The following CACNA1B variants were observed in gnomAD, a reference collection of about 807,000 sequenced individuals.
CACNA1B encodes the protein calcium voltage-gated channel subunit alpha1 B, also known as voltage-dependent N-type calcium channel subunit alpha-1B.
CACNA1B carries 70 observed loss-of-function variants against 247.2 expected under a neutral mutation model. That is an observed-to-expected ratio of 0.28 (90% CI 0.23 to 0.35). CACNA1B has a LOEUF of 0.35. Ranked by LOEUF, CACNA1B falls within the 10% of genes least tolerant of loss-of-function variation. The pLI is 1.00. For missense variants in CACNA1B, 2,367 were observed against 3,197.4 expected (o/e 0.74, Z 6.26); for synonymous variants, 1,231 against 1,294.4 (o/e 0.95, Z 1.05).
chr9:138,074,196 A>G lies in CACNA1B; in HGVS notation c.4857+130A>G. On this transcript the variant is annotated intron_variant, in intron 34 of 46. Transcript: ENST00000371372. ...TTAGTGAACATTCTCTGTGAGCCAG[A>G]TCCTGCTTTGAGCACTTGCTGAACT... 1.3e-5 allele frequency: 10 copies of G among 743,140 alleles called. No individual in the cohort carries two copies. In the South Asian group the frequency reaches 1.5e-4, roughly 11 times the overall value. The allele number at this position is 743,140 out of a possible 1,614,324, so 46.0% of individuals were successfully genotyped here.
intron 36 of CACNA1B, among the ~76,000 whole-genome samples, chr9:138,078,846 T>C (rs942312954): frequency 6.6e-6 from 1 of 151,942 alleles, no homozygotes; most frequent in Non-Finnish European, 1.5e-5. Flanking sequence ...GCTGGCACGA[T>C]TGATGATGAG....
chr9:138,091,859 G>A lies in CACNA1B; in HGVS notation c.5095-4625G>A, dbSNP rs577605320. Reference sequence around the variant, plus strand: ...TTCTTTTCTATTTTTCCTAAGTGTCGGCTGGTCTGAGAAATAAAGAGAAAG... The same window carrying A: ...TTCTTTTCTATTTTTCCTAAGTGTCAGCTGGTCTGAGAAATAAAGAGAAAG... On this transcript the variant is annotated intron_variant, in intron 36 of 46. Coordinates refer to ENST00000371372, the MANE Select transcript of CACNA1B (RefSeq NM_000718.4). 1.7e-3 allele frequency among the ~76,000 whole-genome samples: 260 copies of A among 152,218 alleles called. 1 individual carries two copies. Among genetic ancestry groups the A allele is most frequent in the Non-Finnish European group, 2.7e-3 (186 of 68,004 alleles).
At chr9:137,885,948 G>A (rs866139712) in intron 3 of CACNA1B, among the ~76,000 whole-genome samples, 15 of 151,642 alleles carry the variant, frequency 9.9e-5, no homozygotes, top group Admixed American at 5.3e-4. Context: ...TCAGTTCCCA[G>A]CCATGCTCTT....
rs920777960 is a variant in CACNA1B, at chr9:137,955,518, G to A, written c.1071-180G>A. 1.3e-5 allele frequency among the ~76,000 whole-genome samples: 2 copies of A among 152,208 alleles called. No homozygotes were observed. Among genetic ancestry groups the A allele is most frequent in the Non-Finnish European group, 2.9e-5 (2 of 68,036 alleles). On this transcript the variant is annotated intron_variant, in intron 7 of 46. Coordinates refer to ENST00000371372, the MANE Select transcript of CACNA1B (RefSeq NM_000718.4). This position sits in a 1 kb window ranked among gnomAD's most constrained non-coding sequence, Gnocchi z 6.9. ...GCCCAGGGAGCTGTCTGGTGCTCTG[G>A]AGTGCTCATCTGGAGTGCTCAGGTT...
chr9:138,025,228 C>A (rs1745049062), intron 20 of CACNA1B, 56 bp downstream of exon 20: 1 of 1,214,428 alleles, frequency 8.2e-7, no homozygotes, highest in Non-Finnish European at 1.2e-6. Flanking sequence ...GTCCAGCAAC[C>A]CCCATTCCCT....
intron 6 of CACNA1B, among the ~76,000 whole-genome samples, chr9:137,937,947 CAAAAAAAAA>C (rs57680122): frequency 1.8e-4 from 4 of 21,934 alleles, no homozygotes; most frequent in Admixed American, 8.3e-4. Context: ...AACTCTGTCT[CAAAAAAAAA>C]AAAAAAAAAA....
At chr9:138,041,375 T>G (rs1959119850) in intron 20 of CACNA1B, among the ~76,000 whole-genome samples, 3 of 152,160 alleles carry the variant, frequency 2.0e-5, no homozygotes, top group Admixed American at 2.0e-4. Flanking sequence ...CATGTGGCTG[T>G]TTTTAGTGAA....
intron 6 of CACNA1B, among the ~76,000 whole-genome samples, chr9:137,944,542 C>A (rs565876118): frequency 6.6e-6 from 1 of 152,094 alleles, no homozygotes; most frequent in Non-Finnish European, 1.5e-5. Flanking sequence ...TGCTTCCTGG[C>A]GGGCAGCCTC....
chr9:137,892,483 G>A (rs1338970580), intron 3 of CACNA1B: 14 of 393,970 alleles, frequency 3.6e-5, no homozygotes, highest in Admixed American at 3.0e-4. Context: ...TGCAGAATCC[G>A]CCATAGTTCT....
intron 16 of CACNA1B, among the ~76,000 whole-genome samples, chr9:138,008,448 G>C (rs904784621): frequency 5.9e-5 from 9 of 152,366 alleles, no homozygotes; most frequent in Non-Finnish European, 4.4e-5. Flanking sequence ...TGTGGCTGGT[G>C]CCTGGAGGTG....
intron 31 of CACNA1B, among the ~76,000 whole-genome samples, chr9:138,067,486 A>T (rs1416385826): frequency 1.3e-5 from 2 of 152,234 alleles, no homozygotes; most frequent in African/African-American, 4.8e-5. Context: ...AGATCACCTG[A>T]GGTCAGAAGT....
At position 137,917,505 on chromosome 9, in the gene CACNA1B, TA is replaced by T. The variant is rs1221958429; in HGVS notation, c.966+75del. On this transcript the variant is annotated intron_variant, in intron 6 of 46. Coordinates refer to ENST00000371372, the MANE Select transcript of CACNA1B (RefSeq NM_000718.4). The surrounding 1 kb of genome is among the most constrained non-coding windows in gnomAD (Gnocchi z 5.5). Reference sequence around the variant, plus strand: ...GAGCTGGTGCCTCTGGGGGTCCATTTAGGGGGGCCCTTCTGACCTCAGAGCC... The same window carrying T: ...GAGCTGGTGCCTCTGGGGGTCCATTTGGGGGGCCCTTCTGACCTCAGAGCC... 3 of 1,346,850 alleles carry T rather than the reference TA, an allele frequency of 2.2e-6. No individual in the cohort carries two copies. The highest frequency in any genetic ancestry group is 2.1e-6 in the Non-Finnish European group (2 of 962,918). The allele number at this position is 1,346,850 out of a possible 1,614,324, so 83.4% of individuals were successfully genotyped here. A position where few individuals can be genotyped will look rare whatever the true frequency, so the allele number is the denominator to read the frequency against.
intron 3 of CACNA1B, among the ~76,000 whole-genome samples, chr9:137,892,942 C>A (rs145730546): frequency 6.6e-6 from 1 of 152,258 alleles, no homozygotes; most frequent in African/African-American, 2.4e-5. Context: ...CAGAGCCCGA[C>A]AGGCCTGAAA....
chr9:137,949,843 G>A (rs1458770591), intron 6 of CACNA1B, among the ~76,000 whole-genome samples: 2 of 152,122 alleles, frequency 1.3e-5, no homozygotes, highest in Admixed American at 1.3e-4. Flanking sequence ...GAGCACCTTT[G>A]TAGAAGTATC....
In CACNA1B at chr9:137,952,926, G is replaced by A. The variant is rs969073074; in HGVS notation, c.1070+549G>A. Among the ~76,000 whole-genome samples the A allele has an allele frequency of 6.6e-6, 1 of 152,128 alleles. No individual in the cohort carries two copies. The highest frequency in any genetic ancestry group is 1.5e-5 in the Non-Finnish European group (1 of 68,024). On this transcript the variant is annotated intron_variant, in intron 7 of 46. Coordinates refer to ENST00000371372, the MANE Select transcript of CACNA1B (RefSeq NM_000718.4). The surrounding 1 kb of genome is among the most constrained non-coding windows in gnomAD (Gnocchi z 4.8). Reference sequence around the variant, plus strand: ...CCTGATCTCTGTAGCAGTCACCACTGGGCTCGCCACCCTGGCCCTGACTGC... The same window carrying A: ...CCTGATCTCTGTAGCAGTCACCACTAGGCTCGCCACCCTGGCCCTGACTGC...
intron 38 of CACNA1B, among the ~76,000 whole-genome samples, chr9:138,103,873 A>C (rs924867818): frequency 1.3e-5 from 2 of 152,070 alleles, no homozygotes; most frequent in Non-Finnish European, 2.9e-5. Context: ...TTGTCACCCG[A>C]CTCAGTGCAG....
intron 15 of CACNA1B, among the ~76,000 whole-genome samples, chr9:138,003,001 G>T (rs1020890183): frequency 1.3e-5 from 2 of 151,632 alleles, no homozygotes; most frequent in African/African-American, 4.8e-5. Flanking sequence ...GTTTCACTGT[G>T]TTGGCCAGGC....
At chr9:138,107,268 A>ATTTATTTATTTATG in intron 39 of CACNA1B, among the ~76,000 whole-genome samples, 1 of 18,410 alleles carries the variant, frequency 5.4e-5, no homozygotes, top group East Asian at 1.7e-3. Context: ...ATTTATTTAT[A>ATTTATTTATTTATG]TAGGGTCTCA....
At chr9:138,060,764 A>G (rs940328432) in intron 31 of CACNA1B, among the ~76,000 whole-genome samples, 2 of 152,246 alleles carry the variant, frequency 1.3e-5, no homozygotes, top group African/African-American at 4.8e-5. Context: ...CATTGGGTTC[A>G]CTGTGCTCAT....
Sources: allele counts gnomAD v4.1 joint callset (sites outside exome capture counted in the v4.1 genomes callset), GRCh38; gene constraint gnomAD v4.1.1; non-coding constraint Gnocchi (gnomAD v3.1); transcripts MANE v1.5; gene names NCBI Gene and HGNC (gene_info 2026-07-23, HGNC 2026-07-21).